Variants in GABARAP observed in about 807,000 individuals in gnomAD.
The protein encoded by GABARAP is GABA type A receptor-associated protein.
In GABARAP, 5 loss-of-function variants were observed where a neutral mutation model predicts 16.7. That is an observed-to-expected ratio of 0.30 (90% CI 0.16 to 0.63). The LOEUF (loss-of-function observed/expected upper bound fraction) is 0.63. GABARAP is among the 20% of genes least tolerant of loss of function. The pLI, the probability that GABARAP is intolerant of heterozygous loss-of-function variation, is 0.82. For missense variants in GABARAP, 84 were observed against 146.6 expected, an observed-to-expected ratio of 0.57 and a Z score of 2.21; for synonymous variants, 45 against 52.7, an observed-to-expected ratio of 0.85 and a Z score of 0.64.
chr17:7,241,679 C>T lies in GABARAP; in HGVS notation c.91G>A (p.Val31Met). 6.3e-7 allele frequency: 1 copy of T among 1,587,578 alleles called. No homozygotes were observed. The highest frequency in any genetic ancestry group is 8.7e-7 in the Non-Finnish European group (1 of 1,155,834). The change falls in exon 2 of 4, where the codon GTG becomes ATG. Residue 31 changes from valine (V) to methionine (M), a missense_variant and splice_region_variant. Coordinates refer to ENST00000302386, the MANE Select transcript of GABARAP (RefSeq NM_007278.2). Reference protein sequence around the residue: ...IRKKYPDRVPVIVEKAPKARI... With the variant: ...IRKKYPDRVPMIVEKAPKARI... ...GCTTTGGGAGCCTTTTCTACTATCA[C>T]CTGATAAAGAGATGAAAATTAGGAG...
Position 7,240,497 on chromosome 17 carries a change from A to G in GABARAP, c.*357T>C. The stretch of plus-strand genomic sequence containing the variant: ...TTTCAGTCCCTTCCAACTACCCCCA[A>G]AAAAGAAGGTAGTGAAAGGAAGGGA... On this transcript the variant is annotated 3_prime_UTR_variant, in exon 4 of 4. Transcript: ENST00000302386. The G allele has an allele frequency of 5.4e-6, 1 of 184,586 alleles. No individual in the cohort carries two copies. Among genetic ancestry groups the G allele is most frequent in the Non-Finnish European group, 1.1e-5 (1 of 87,276 alleles). 11.4% of individuals were successfully genotyped at this position (184,586 alleles called of 1,614,324 possible).
rs2071767105 is a variant in GABARAP at position 7,240,740 on chromosome 17, C to T, written c.*114G>A. The T allele has an allele frequency of 9.7e-6, 7 of 724,222 alleles. No homozygotes were observed. Among genetic ancestry groups the T allele is most frequent in the African/African-American group, 8.8e-5 (5 of 56,726 alleles). The allele number at this position is 724,222 out of a possible 1,614,324, so 44.9% of individuals were successfully genotyped here. The stretch of plus-strand genomic sequence containing the variant: ...AGAAAGCCACAAACATTAAGAAGTG[C>T]CGGTCCTGAATAAGGGAGGTGGTGT... On this transcript the variant is annotated 3_prime_UTR_variant, in exon 4 of 4. Transcript: ENST00000302386.
chr17:7,241,216 G>T, intron 3 of GABARAP, 126 bp downstream of exon 3: 1 of 722,784 alleles, frequency 1.4e-6, no homozygotes, highest in Non-Finnish European at 2.5e-6. Flanking sequence ...CCAACCCACG[G>T]CTATTATGAA....
Position 7,242,293 on chromosome 17 carries a change from T to C in GABARAP, c.38A>G (p.Lys13Arg), listed in dbSNP as rs1225797528. The change falls in exon 1 of 4, where the codon AAG becomes AGG. Residue 13 changes from lysine (K) to arginine (R), a missense_variant. Lys to Arg is a conservative substitution (Grantham distance 26). Coordinates refer to ENST00000302386, the MANE Select transcript of GABARAP (RefSeq NM_007278.2). ...GATCTTCTCGCCCTCAGAGCGGCGC[T>C]TCTCGAACGGATGCTCTTCTTTGTA... ...FVYKEEHPFE[K>R]RRSEGEKIRK... The C allele has an allele frequency of 1.9e-6, 3 of 1,613,876 alleles. No homozygotes were observed. The highest frequency in any genetic ancestry group is 2.5e-6 in the Non-Finnish European group (3 of 1,179,892).
chr17:7,241,297 C>T (rs2071775769), intron 3 of GABARAP, 45 bp downstream of exon 3: 1 of 936,536 alleles, frequency 1.1e-6, no homozygotes, highest in African/African-American at 1.6e-5. Flanking sequence ...TCACGCTCTT[C>T]CAAGATTCCT....
chr17:7,242,379 G>C lies in GABARAP; in HGVS notation c.-49C>G. 7.1e-7 allele frequency: 1 copy of C among 1,413,588 alleles called. No individual in the cohort carries two copies. 87.6% of individuals were successfully genotyped at this position (1,413,588 alleles called of 1,614,324 possible). On this transcript the variant is annotated 5_prime_UTR_variant, in exon 1 of 4. Coordinates refer to ENST00000302386, the MANE Select transcript of GABARAP (RefSeq NM_007278.2). Reference sequence around the variant, plus strand: ...GGGCTGGGCTGAGGGAACCCAGGGGGGCCGGGACGGGGGGCGGCGACGACG... The same window carrying C: ...GGGCTGGGCTGAGGGAACCCAGGGGCGCCGGGACGGGGGGCGGCGACGACG...
rs1312406024 is a variant in GABARAP, at chr17:7,240,340, C to G, written c.*514G>C. Reference sequence around the variant, plus strand: ...AGCTTGTACCCAGTACTCTTCTTTCCCCACCACTGAAACCCACTGACACCT... The same window carrying G: ...AGCTTGTACCCAGTACTCTTCTTTCGCCACCACTGAAACCCACTGACACCT... On this transcript the variant is annotated 3_prime_UTR_variant, in exon 4 of 4. Coordinates refer to ENST00000302386, the MANE Select transcript of GABARAP (RefSeq NM_007278.2). The G allele has an allele frequency of 6.4e-6, 1 of 157,064 alleles. No individual in the cohort carries two copies. Among genetic ancestry groups the G allele is most frequent in the African/African-American group, 2.4e-5 (1 of 41,400 alleles). 9.7% of individuals were successfully genotyped at this position (157,064 alleles called of 1,614,324 possible).
In GABARAP at chr17:7,240,863, G is replaced by A. The variant is rs139768657; in HGVS notation, c.345C>T (p.Tyr115=). ...CTCAGGGGCAGCAGCTTCACAGACC[G>A]TAGACACTTTCGTCACTGTAGGCAA... ...LYIAYSDESV[Y]GL is the part of the protein sequence containing the mutation. The change falls in exon 4 of 4, where the codon TAC becomes TAT. Residue 115 remains tyrosine (Y), a synonymous_variant. Transcript: ENST00000302386. The A allele has an allele frequency of 4.9e-4, 794 of 1,609,350 alleles. 4 individuals are homozygous for A. In the African/African-American group the frequency reaches 8.9e-3, roughly 18 times the overall value.
chr17:7,241,962 C>A, intron 1 of GABARAP: 1 of 595,876 alleles, frequency 1.7e-6, no homozygotes, highest in Non-Finnish European at 3.0e-6. Flanking sequence ...ATCTCGCAAC[C>A]TTAGCTAGCT....
intron 1 of GABARAP, chr17:7,241,998 G>A (rs1350984182): frequency 1.7e-6 from 1 of 596,518 alleles, no homozygotes. Flanking sequence ...TGAAGCTCAG[G>A]CTGTCAAACT....
Position 7,241,612 on chromosome 17 carries a change from G to C in GABARAP, c.158C>G (p.Ser53Cys). 6.2e-7 allele frequency: 1 copy of C among 1,609,950 alleles called. No homozygotes were observed. Residue 53 changes from serine (S) to cysteine (C), a missense_variant, in exon 2 of 4, where the codon TCT (serine) becomes TGT (cysteine). Ser to Cys is a moderately radical substitution (Grantham distance 112, BLOSUM62 -1). Coordinates refer to ENST00000302386, the MANE Select transcript of GABARAP (RefSeq NM_007278.2). ...GATCAGGTTCCCACCTGTGAGATCAGAAGGCACCAGGTATTTCTTTTTGTC... is the reference window on the plus strand; with the variant it reads ...GATCAGGTTCCCACCTGTGAGATCACAAGGCACCAGGTATTTCTTTTTGTC... ...DLDKKKYLVPSDLTVGQFYFL... is the reference protein window; with the variant it reads ...DLDKKKYLVPCDLTVGQFYFL...
chr17:7,242,403 C>T lies in GABARAP; in HGVS notation c.-73G>A. ...GGGCCGGGACGGGGGGCGGCGACGA[C>T]GGCGGCGACGCGCGGGCGGATTCAG... On this transcript the variant is annotated 5_prime_UTR_variant, in exon 1 of 4. Coordinates refer to ENST00000302386, the MANE Select transcript of GABARAP (RefSeq NM_007278.2). 1 of 1,096,194 alleles carries T rather than the reference C, an allele frequency of 9.1e-7. No homozygotes were observed. Among genetic ancestry groups the T allele is most frequent in the Non-Finnish European group, 1.4e-6 (1 of 723,154 alleles). 67.9% of individuals were successfully genotyped at this position (1,096,194 alleles called of 1,614,324 possible).
chr17:7,242,077 AC>A, intron 1 of GABARAP, 163 bp downstream of exon 1: 1 of 624,770 alleles, frequency 1.6e-6, no homozygotes, highest in South Asian at 1.9e-5. Flanking sequence ...ATCCACCACT[AC>A]CCCACTCCTT....
rs781270795 is a variant in GABARAP, at chr17:7,240,905, T to G, written c.303A>C (p.Glu101Asp). The G allele has an allele frequency of 1.7e-5, 28 of 1,612,306 alleles. No individual in the cohort carries two copies. The Admixed American group carries it at 4.3e-4, about 25-fold the overall frequency. ...MGQLYQEHHE[E>D]DFFLYIAYSD... ...TGTAGGCAATGTAGAGAAAGAAGTCTTCTTCATGGTGTTCCTGGGATGAAA... is the reference window on the plus strand; with the variant it reads ...TGTAGGCAATGTAGAGAAAGAAGTCGTCTTCATGGTGTTCCTGGGATGAAA... Residue 101 changes from glutamate (E) to aspartate (D), a missense_variant, in exon 4 of 4, where the codon GAA (glutamate) becomes GAC (aspartate). Transcript: ENST00000302386.
Position 7,240,536 on chromosome 17 carries a change from G to A in GABARAP, c.*318C>T. Reference sequence around the variant, plus strand: ...GAAAGGAAGGGATTGCTGGGGTTCTGAGCCCCTTGGGCAGTCAGAAAGGGA... The same window carrying A: ...GAAAGGAAGGGATTGCTGGGGTTCTAAGCCCCTTGGGCAGTCAGAAAGGGA... On this transcript the variant is annotated 3_prime_UTR_variant, in exon 4 of 4. Coordinates refer to ENST00000302386, the MANE Select transcript of GABARAP (RefSeq NM_007278.2). The A allele has an allele frequency of 4.1e-6, 1 of 246,314 alleles. No homozygotes were observed. The highest frequency in any genetic ancestry group is 8.0e-6 in the Non-Finnish European group (1 of 125,652). The allele number at this position is 246,314 out of a possible 1,614,324, so 15.3% of individuals were successfully genotyped here.
Position 7,242,390 on chromosome 17 carries a change from G to T in GABARAP, c.-60C>A. ...AGGGAACCCAGGGGGGCCGGGACGGGGGGCGGCGACGACGGCGGCGACGCG... is the reference window on the plus strand; with the variant it reads ...AGGGAACCCAGGGGGGCCGGGACGGTGGGCGGCGACGACGGCGGCGACGCG... On this transcript the variant is annotated 5_prime_UTR_variant, in exon 1 of 4. Transcript: ENST00000302386. 1 of 1,319,860 alleles carries T rather than the reference G, an allele frequency of 7.6e-7. No homozygotes were observed. The highest frequency in any genetic ancestry group is 1.1e-6 in the Non-Finnish European group (1 of 922,144). The allele number at this position is 1,319,860 out of a possible 1,614,324, so 81.8% of individuals were successfully genotyped here. A position where few individuals can be genotyped will look rare whatever the true frequency, so the allele number is the denominator to read the frequency against.
chr17:7,241,030 A>T (rs149772388), intron 3 of GABARAP, 111 bp from the exon 4 acceptor site: 20 of 766,504 alleles, frequency 2.6e-5, no homozygotes, highest in African/African-American at 2.4e-4. Flanking sequence ...TCCTTCACTG[A>T]CTCCAAGGCC....
intron 1 of GABARAP, 130 bp downstream of exon 1, chr17:7,242,111 C>G (rs2071784349): frequency 3.0e-6 from 2 of 673,434 alleles, no homozygotes. Context: ...CCAAGGACAG[C>G]AGTTTCAGGC....
At chr17:7,241,779 C>T (rs1206428434) in intron 1 of GABARAP, 100 bp from the exon 2 acceptor site, 7 of 794,956 alleles carry the variant, frequency 8.8e-6, no homozygotes, top group Non-Finnish European at 1.1e-5. Flanking sequence ...TAAATCTACC[C>T]CAGATTCATC....
Sources: gnomAD v4.1 joint callset for allele counts on GRCh38, gnomAD v4.1.1 for gene constraint, MANE v1.5 for transcripts, NCBI Gene and HGNC (gene_info 2026-07-23, HGNC 2026-07-21) for gene names.